SUOX: variants seen among roughly 807,000 people sequenced by gnomAD.
SUOX encodes the protein sulfite oxidase, mitochondrial.
In SUOX, 39 loss-of-function variants were observed where a neutral mutation model predicts 41.9. The ratio of observed to expected loss-of-function variants is 0.93; its 90% CI spans 0.72 to 1.21. The LOEUF is 1.21. Ranked by LOEUF, SUOX falls within the 50% of genes most tolerant of loss-of-function variation. The pLI is 0.00. For missense variants in SUOX, 633 were observed against 689.5 expected (o/e 0.92, Z 0.92); for synonymous variants, 220 against 268.4 (o/e 0.82, Z 1.76).
chr12:55,997,958 A>G (rs1030749653), intron 2 of SUOX, among the ~76,000 whole-genome samples: 1 of 152,162 alleles, frequency 6.6e-6, no homozygotes, highest in Non-Finnish European at 1.5e-5. Flanking sequence ...AGAGAGCAGA[A>G]AAATTACCTT....
In SUOX at chr12:56,004,251, A is replaced by G. The variant is rs1246332181; in HGVS notation, c.862A>G (p.Ile288Val). The G allele has an allele frequency of 1.2e-6, 2 of 1,614,032 alleles. No individual in the cohort carries two copies. The highest frequency in any genetic ancestry group is 2.7e-5 in the African/African-American group (2 of 74,938). Residue 288 changes from isoleucine to valine, a missense_variant, in exon 5 of 5, where the codon ATC becomes GTC. By Grantham distance (29) the Ile-to-Val change is conservative (BLOSUM62 3). Transcript: ENST00000266971. This position sits in a 1 kb window ranked among gnomAD's most constrained non-coding sequence, Gnocchi z 4.5. ...AGGTCTGGAGTGGAGAACAGGAGCCATCAGCACTGCACGCTGGGCTGGGGC... is the reference window on the plus strand; with the variant it reads ...AGGTCTGGAGTGGAGAACAGGAGCCGTCAGCACTGCACGCTGGGCTGGGGC... ...VKGLEWRTGA[I>V]STARWAGARL...
intron 3 of SUOX, 104 bp downstream of exon 3, chr12:56,002,375 C>T (rs1890564985): frequency 6.7e-6 from 10 of 1,502,268 alleles, no homozygotes; most frequent in Admixed American, 1.7e-5. Flanking sequence ...GAGAGTGTGT[C>T]CAGGGAGGAC....
chr12:56,001,354 C>T (rs1358536344), intron 2 of SUOX: 1 of 143,834 alleles, frequency 7.0e-6, no homozygotes, highest in Non-Finnish European at 1.5e-5. Flanking sequence ...AAACTCCTGA[C>T]CTCAGGTGAT....
chr12:56,001,118 CTTTTTTT>C (rs1234069085), intron 2 of SUOX, among the ~76,000 whole-genome samples: 24 of 51,276 alleles, frequency 4.7e-4, no homozygotes, highest in Non-Finnish European at 6.7e-4. Context: ...GTTAATCTCT[CTTTTTTT>C]TTTTTTTTTT....
rs1324987319 is a variant in SUOX, at chr12:56,003,744, C to T, written c.355C>T (p.Pro119Ser). 1 of 1,613,180 alleles carries T rather than the reference C, an allele frequency of 6.2e-7. No individual in the cohort carries two copies. Among genetic ancestry groups the T allele is most frequent in the Admixed American group, 1.7e-5 (1 of 59,910 alleles). The stretch of plus-strand genomic sequence containing the variant: ...TGTCACAGAATTTGTGGACCTACAT[C>T]CAGGGGGGCCTTCAAAGCTGATGCT... ...FDVTEFVDLH[P>S]GGPSKLMLAA... Residue 119 changes from proline (P) to serine (S), a missense_variant, in exon 5 of 5, where the codon CCA becomes TCA. Pro to Ser is a moderately conservative substitution (Grantham distance 74). Transcript: ENST00000266971.
chr12:56,003,478 C>G lies in SUOX; in HGVS notation c.229-140C>G. 7 of 734,018 alleles carry G rather than the reference C, an allele frequency of 9.5e-6. No individual in the cohort carries two copies. The South Asian group carries it at 1.1e-4, about 12-fold the overall frequency. 45.5% of individuals were successfully genotyped at this position (734,018 alleles called of 1,614,324 possible). A position where few individuals can be genotyped will look rare whatever the true frequency, so the allele number is the denominator to read the frequency against. On this transcript the variant is annotated intron_variant, in intron 4 of 4. Transcript: ENST00000266971. ...GCTTCTCCATGTTGGTCAAGCTGGT[C>G]TTGAACTCCCGACCTTATGTGATCC...
chr12:56,003,585 T>C (rs1185552124), intron 4 of SUOX, 33 bp from the exon 5 acceptor site: 1 of 1,601,734 alleles, frequency 6.2e-7, no homozygotes, highest in South Asian at 1.1e-5. Flanking sequence ...TAATAGTCTC[T>C]TCCCTTTTAT....
rs144064367 is a variant in SUOX, at chr12:56,004,185, G to A, written c.796G>A (p.Gly266Ser). The part of the protein sequence containing the change: ...YEITVTLQCA[G>S]NRRSEMTQVK... ...GATCACAGTCACTCTGCAGTGTGCCGGCAACCGACGCTCTGAGATGACTCA... is the reference window on the plus strand; with the variant it reads ...GATCACAGTCACTCTGCAGTGTGCCAGCAACCGACGCTCTGAGATGACTCA... Residue 266 changes from glycine to serine, a missense_variant, in exon 5 of 5, where the codon GGC becomes AGC. Gly to Ser is a moderately conservative substitution (Grantham distance 56). Coordinates refer to ENST00000266971, the MANE Select transcript of SUOX (RefSeq NM_001032386.2). The surrounding 1 kb of genome is among the most constrained non-coding windows in gnomAD (Gnocchi z 4.5). 40 of 1,613,952 alleles carry A rather than the reference G, an allele frequency of 2.5e-5. No homozygotes were observed. The highest frequency in any genetic ancestry group is 3.3e-5 in the South Asian group (3 of 91,096).
At chr12:56,002,815 A>C in intron 4 of SUOX, 95 bp downstream of exon 4, 2 of 1,485,166 alleles carry the variant, frequency 1.3e-6, no homozygotes, top group Non-Finnish European at 1.9e-6. Context: ...TGGGTGGGTC[A>C]CTTGAGGTTA....
chr12:56,002,528 C>T lies in SUOX; in HGVS notation c.51-15C>T, dbSNP rs767838417. The T allele has an allele frequency of 5.6e-6, 9 of 1,614,098 alleles. No individual in the cohort carries two copies. Among genetic ancestry groups the T allele is most frequent in the South Asian group, 1.1e-5 (1 of 91,070 alleles). ...ACATGACCATACGTGCTACTAAGAC[C>T]GACCTCTCTTCCAGACTCAAGTCAA... On this transcript the variant is annotated splice_polypyrimidine_tract_variant and intron_variant, in intron 3 of 4. Coordinates refer to ENST00000266971, the MANE Select transcript of SUOX (RefSeq NM_001032386.2).
In SUOX at chr12:56,004,087, A is replaced by G. The variant is rs749229848; in HGVS notation, c.698A>G (p.His233Arg). 2 of 1,614,028 alleles carry G rather than the reference A, an allele frequency of 1.2e-6. No homozygotes were observed. Among genetic ancestry groups the G allele is most frequent in the Non-Finnish European group, 1.7e-6 (2 of 1,179,982 alleles). The change falls in exon 5 of 5, where the codon CAC becomes CGC. Residue 233 changes from histidine (H) to arginine (R), a missense_variant. By Grantham distance (29) the His-to-Arg change is conservative. Transcript: ENST00000266971. The surrounding 1 kb of genome is among the most constrained non-coding windows in gnomAD (Gnocchi z 4.5). ...PNLDPDTYRL[H>R]VVGAPGGQSL... is the part of the protein sequence containing the mutation. ...CTGGATCCAGACACCTATCGCTTAC[A>G]CGTAGTAGGAGCACCTGGGGGTCAG...
At position 56,002,248 on chromosome 12, in the gene SUOX, C is replaced by T. The variant is rs1162056451; in HGVS notation, c.27C>T (p.Val9=). 2 of 1,612,672 alleles carry T rather than the reference C, an allele frequency of 1.2e-6. No homozygotes were observed. Among genetic ancestry groups the T allele is most frequent in the Non-Finnish European group, 1.7e-6 (2 of 1,180,022 alleles). The stretch of plus-strand genomic sequence containing the variant: ...TGCTGCTGCTGCACAGAGCTGTGGT[C>T]CTCAGGCTCCAACAGGCCTGCAGGT... MLLLHRAV[V]LRLQQACRLK... is the part of the protein sequence containing the mutation. The change falls in exon 3 of 5, where the codon GTC becomes GTT. Residue 9 remains valine, a synonymous_variant. Coordinates refer to ENST00000266971, the MANE Select transcript of SUOX (RefSeq NM_001032386.2).
chr12:56,002,259 A>C lies in SUOX; in HGVS notation c.38A>C (p.Gln13Pro). Reference sequence around the variant, plus strand: ...CACAGAGCTGTGGTCCTCAGGCTCCAACAGGCCTGCAGGTAGGCCAGCCCA... The same window carrying C: ...CACAGAGCTGTGGTCCTCAGGCTCCCACAGGCCTGCAGGTAGGCCAGCCCA... ...LLHRAVVLRL[Q>P]QACRLKSIPS... Residue 13 changes from glutamine to proline, a missense_variant, in exon 3 of 5, where the codon CAA becomes CCA. By Grantham distance (76) the Gln-to-Pro change is moderately conservative. Coordinates refer to ENST00000266971, the MANE Select transcript of SUOX (RefSeq NM_001032386.2). 1 of 1,612,286 alleles carries C rather than the reference A, an allele frequency of 6.2e-7. No individual in the cohort carries two copies. Among genetic ancestry groups the C allele is most frequent in the East Asian group, 2.2e-5 (1 of 44,884 alleles).
At chr12:56,001,151 GTCTC>G (rs1890511583) in intron 2 of SUOX, among the ~76,000 whole-genome samples, 1 of 107,412 alleles carries the variant, frequency 9.3e-6, no homozygotes, top group Non-Finnish European at 1.8e-5. Context: ...TTGAGATGGA[GTCTC>G]TCTCTGTTGC....
At chr12:56,000,518 C>A (rs1020397868) in intron 2 of SUOX, among the ~76,000 whole-genome samples, 2 of 152,220 alleles carry the variant, frequency 1.3e-5, no homozygotes, top group Non-Finnish European at 2.9e-5. Flanking sequence ...TTCCCGCTCG[C>A]ACCTCTCCCT....
chr12:56,000,045 C>T (rs927372520), intron 2 of SUOX, among the ~76,000 whole-genome samples: 2 of 152,210 alleles, frequency 1.3e-5, no homozygotes, highest in African/African-American at 4.8e-5. Context: ...TGAAGGTTCT[C>T]CACCTCCCCA....
intron 2 of SUOX, 103 bp from the exon 3 acceptor site, chr12:56,002,109 T>G: frequency 6.5e-7 from 1 of 1,542,730 alleles, no homozygotes; most frequent in Non-Finnish European, 8.8e-7. Context: ...AGAAAGCTCC[T>G]TGCTGACCTT....
At chr12:55,999,770 T>C (rs1255146996) in intron 2 of SUOX, among the ~76,000 whole-genome samples, 1 of 152,222 alleles carries the variant, frequency 6.6e-6, no homozygotes, top group Non-Finnish European at 1.5e-5. Context: ...ATCCTGCTGA[T>C]TGGTAGAGCC....
intron 2 of SUOX, among the ~76,000 whole-genome samples, chr12:55,999,781 G>C (rs939952934): frequency 3.3e-5 from 5 of 152,164 alleles, no homozygotes; most frequent in East Asian, 1.9e-4. Context: ...TGGTAGAGCC[G>C]AGTGGTCTGT....
Sources: allele counts gnomAD v4.1 joint callset (sites outside exome capture counted in the v4.1 genomes callset), GRCh38; gene constraint gnomAD v4.1.1; non-coding constraint Gnocchi (gnomAD v3.1); transcripts MANE v1.5; gene names NCBI Gene and HGNC (gene_info 2026-07-23, HGNC 2026-07-21).